PRKAR2A: variants seen among roughly 807,000 people sequenced by gnomAD.
PRKAR2A encodes the protein cAMP-dependent protein kinase type II-alpha regulatory subunit.
PRKAR2A carries 29 observed loss-of-function variants against 51.9 expected under a neutral mutation model. The ratio of observed to expected loss-of-function variants is 0.56; its 90% CI spans 0.42 to 0.76. The LOEUF is 0.76. Among genes scored for constraint, PRKAR2A ranks in the 30% least tolerant of loss-of-function variants. The pLI, the probability that PRKAR2A is intolerant of heterozygous loss-of-function variation, is 0.00. For synonymous variants in PRKAR2A, 178 were observed against 186.2 expected (o/e 0.96, Z 0.36); for missense variants, 445 against 512.1 (o/e 0.87, Z 1.26).
At chr3:48,844,922 T>C (rs1297813468) in intron 1 of PRKAR2A, among the ~76,000 whole-genome samples, 27 of 148,222 alleles carry the variant, frequency 1.8e-4, no homozygotes, top group African/African-American at 2.7e-4. Context: ...ATGGCACATG[T>C]ATACATATGT....
chr3:48,835,412 C>A (rs550740318), intron 1 of PRKAR2A, among the ~76,000 whole-genome samples: 6 of 151,978 alleles, frequency 3.9e-5, no homozygotes, highest in Admixed American at 6.6e-5. Flanking sequence ...GAGGCCAAGG[C>A]GGGCAGATCA....
At chr3:48,799,938 C>A (rs1165001960) in intron 2 of PRKAR2A, among the ~76,000 whole-genome samples, 1 of 152,110 alleles carries the variant, frequency 6.6e-6, no homozygotes, top group Non-Finnish European at 1.5e-5. Context: ...TGGCTCACTG[C>A]AACCTCCACC....
intron 4 of PRKAR2A, among the ~76,000 whole-genome samples, chr3:48,785,866 A>C (rs543211750): frequency 6.6e-6 from 1 of 152,316 alleles, no homozygotes; most frequent in Admixed American, 6.5e-5. Flanking sequence ...GTATAATGTT[A>C]ACAACTGGCC....
At chr3:48,794,175 G>A (rs2082450645) in intron 2 of PRKAR2A, 126 bp from the exon 3 acceptor site, 1 of 721,238 alleles carries the variant, frequency 1.4e-6, no homozygotes, top group Non-Finnish European at 2.2e-6. Context: ...TTTTGAGACA[G>A]AGTTTTGCTC....
At chr3:48,772,933 G>A (rs759368393) in intron 6 of PRKAR2A, 22 bp downstream of exon 6, 12 of 1,605,622 alleles carry the variant, frequency 7.5e-6, no homozygotes, top group Non-Finnish European at 1.0e-5. Flanking sequence ...GCCTTGCAAG[G>A]GGAACGATTT....
chr3:48,793,209 A>G (rs2082421193), intron 3 of PRKAR2A, among the ~76,000 whole-genome samples: 1 of 152,078 alleles, frequency 6.6e-6, no homozygotes, highest in African/African-American at 2.4e-5. Flanking sequence ...CTGTACCATC[A>G]CTTTCAATGG....
chr3:48,759,380 G>GC (rs377107326), intron 8 of PRKAR2A, among the ~76,000 whole-genome samples: 18 of 148,616 alleles, frequency 1.2e-4, no homozygotes, highest in South Asian at 2.1e-4. Flanking sequence ...AGAGCATCCT[G>GC]CCCCTTTTTT....
rs1327894838 is a variant in PRKAR2A, at chr3:48,842,039, CCA to C, written c.262+5294_262+5295del. On this transcript the variant is annotated intron_variant, in intron 1 of 10. Transcript: ENST00000265563. ...TTTTCACTATATTGATTCTTCCTAT[CCA>C]TGAGCATGGAATGTTCTTCCATTTG... 3.9e-5 allele frequency among the ~76,000 whole-genome samples: 6 copies of C among 152,250 alleles called. No homozygotes were observed. In the South Asian group the frequency reaches 1.0e-3, roughly 26 times the overall value.
intron 4 of PRKAR2A, among the ~76,000 whole-genome samples, chr3:48,786,326 T>C (rs1473186955): frequency 6.6e-6 from 1 of 150,566 alleles, no homozygotes; most frequent in Non-Finnish European, 1.5e-5. Flanking sequence ...GGTTTCACCA[T>C]GTTGCCCAGG....
intron 2 of PRKAR2A, among the ~76,000 whole-genome samples, chr3:48,795,517 G>C (rs2082477439): frequency 6.6e-6 from 1 of 152,164 alleles, no homozygotes; most frequent in Non-Finnish European, 1.5e-5. Flanking sequence ...AACAACTGAT[G>C]TTGGTGATGG....
Position 48,752,189 on chromosome 3 carries a change from A to T in PRKAR2A, c.1068T>A (p.Asp356Glu), listed in dbSNP as rs762253998. The change falls in exon 10 of 11, where the codon GAT becomes GAA. Residue 356 changes from aspartate to glutamate, a missense_variant. Coordinates refer to ENST00000265563, the MANE Select transcript of PRKAR2A (RefSeq NM_004157.4). ...PRAASAYAVG[D>E]VKCLVMDVQA... ...AACTTTTCTTACCTAAGCATTTGAC[A>T]TCTCCAACTGCATAAGCTGAGGCAG... 3.1e-6 allele frequency: 5 copies of T among 1,612,640 alleles called. 1 individual carries two copies. Among genetic ancestry groups the T allele is most frequent in the Non-Finnish European group, 1.7e-6 (2 of 1,179,670 alleles).
Position 48,847,345 on chromosome 3 carries a change from C to T in PRKAR2A, c.252G>A (p.Glu84=). 1.2e-6 allele frequency: 2 copies of T among 1,613,630 alleles called. No individual in the cohort carries two copies. Among genetic ancestry groups the T allele is most frequent in the Non-Finnish European group, 8.5e-7 (1 of 1,179,742 alleles). The part of the protein sequence containing the change: ...AKGDSESEED[E]DLEVPVPSRF... ...CCGCCCACAGCCTACCTTCCAAGTC[C>T]TCGTCCTCCTCCGACTCGCTGTCCC... The change falls in exon 1 of 11, where the codon GAG becomes GAA. Residue 84 remains glutamate (E), a synonymous_variant. Transcript: ENST00000265563. The surrounding 1 kb of genome is among the most constrained non-coding windows in gnomAD (Gnocchi z 4.4).
intron 2 of PRKAR2A, among the ~76,000 whole-genome samples, chr3:48,803,784 G>C (rs2082627414): frequency 6.6e-6 from 1 of 152,152 alleles, no homozygotes; most frequent in African/African-American, 2.4e-5. Context: ...GAGGCAGGCA[G>C]ATTACTTGAG....
At chr3:48,794,155 T>TC in intron 2 of PRKAR2A, 106 bp from the exon 3 acceptor site, 1 of 237,010 alleles carries the variant, frequency 4.2e-6, no homozygotes, top group South Asian at 1.1e-4. Flanking sequence ...TTTTCTTTTC[T>TC]TTTTTTTTTT....
intron 3 of PRKAR2A, among the ~76,000 whole-genome samples, chr3:48,792,252 C>T (rs768019736): frequency 6.6e-6 from 1 of 151,492 alleles, no homozygotes; most frequent in Non-Finnish European, 1.5e-5. Context: ...AGTGATTCTC[C>T]TGCCTCAGCC....
chr3:48,780,881 G>A (rs893589844), intron 5 of PRKAR2A, among the ~76,000 whole-genome samples: 3 of 152,108 alleles, frequency 2.0e-5, no homozygotes, highest in Non-Finnish European at 4.4e-5. Flanking sequence ...TAATTGTTCT[G>A]TAGTAAAGTA....
chr3:48,751,741 G>C, intron 10 of PRKAR2A, 23 bp from the exon 11 acceptor site: 4 of 1,593,758 alleles, frequency 2.5e-6, no homozygotes, highest in Non-Finnish European at 2.6e-6. Context: ...AAAGAGGTGA[G>C]GGAGAGAATG....
chr3:48,791,587 C>A (rs374350040), intron 3 of PRKAR2A, among the ~76,000 whole-genome samples: 42 of 84,454 alleles, frequency 5.0e-4, no homozygotes, highest in African/African-American at 1.9e-3. Context: ...AGCAAGATTC[C>A]GTCTCAAAAA....
chr3:48,752,311 A>G lies in PRKAR2A; in HGVS notation c.946T>C (p.Ser316Pro), dbSNP rs1249492445. 1.9e-6 allele frequency: 3 copies of G among 1,613,606 alleles called. No individual in the cohort carries two copies. In the East Asian group the frequency reaches 6.7e-5, roughly 36 times the overall value. ...VSILIRSRTKSNKDGGNQEVE... is the reference protein window; with the variant it reads ...VSILIRSRTKPNKDGGNQEVE... ...TCCTGGTTCCCACCATCCTTGTTTG[A>G]TTTAGTCTACAGCAGGCAAAGAACA... Residue 316 changes from serine to proline, a missense_variant, in exon 10 of 11, where the codon TCA (serine) becomes CCA (proline). Ser to Pro is a moderately conservative substitution (Grantham distance 74, BLOSUM62 -1). Coordinates refer to ENST00000265563, the MANE Select transcript of PRKAR2A (RefSeq NM_004157.4).
Sources: gnomAD v4.1 joint callset for allele counts (sites outside exome capture counted in the v4.1 genomes callset) on GRCh38, gnomAD v4.1.1 for gene constraint, Gnocchi (gnomAD v3.1) non-coding constraint, MANE v1.5 for transcripts, NCBI Gene and HGNC (gene_info 2026-07-23, HGNC 2026-07-21) for gene names.